The following IL7 variants were observed in gnomAD, a reference collection of about 807,000 sequenced individuals.
IL7 encodes the protein interleukin 7.
IL7 carries 3 observed loss-of-function variants against 21.6 expected under a neutral mutation model. The ratio of observed to expected loss-of-function variants is 0.14; its 90% CI spans 0.06 to 0.36. The LOEUF (loss-of-function observed/expected upper bound fraction) is 0.36. Ranked by LOEUF, IL7 falls within the 10% of genes least tolerant of loss-of-function variation. The probability of loss-of-function intolerance (pLI) is 1.00; values close to 1 mark genes in which losing one functional copy is unlikely to be tolerated. For missense variants in IL7, 175 were observed against 200.2 expected (o/e 0.87, Z 0.76); for synonymous variants, 62 against 68.1 (o/e 0.91, Z 0.44).
intron 2 of IL7, chr8:78,761,148 A>G (rs560397400): frequency 1.3e-6 from 2 of 1,593,900 alleles, no homozygotes; most frequent in South Asian, 2.3e-5. Flanking sequence ...CTCCCTGTCC[A>G]CTGAGAATGG....
rs948830608 is a variant in IL7, at chr8:78,782,903, G to A, written c.147+15169C>T. On this transcript the variant is annotated intron_variant, in intron 2 of 5. Coordinates refer to ENST00000263851, the MANE Select transcript of IL7 (RefSeq NM_000880.4). The stretch of plus-strand genomic sequence containing the variant: ...CTGGAGATGATGAAATTCCCAGAGG[G>A]AGGCCACATGCAGTGAAGATGGATG... Among the ~76,000 whole-genome samples the A allele has an allele frequency of 4.6e-5, 7 of 152,252 alleles. 1 individual carries two copies. The highest frequency in any genetic ancestry group is 3.9e-4 in the Admixed American group (6 of 15,290).
chr8:78,754,220 GT>G (rs1350532079), intron 2 of IL7, among the ~76,000 whole-genome samples: 2 of 152,092 alleles, frequency 1.3e-5, no homozygotes, highest in Admixed American at 1.3e-4. Flanking sequence ...CAAAATCAAT[GT>G]GCAAAAATCA....
At chr8:78,782,155 G>A (rs1586100795) in intron 2 of IL7, among the ~76,000 whole-genome samples, 1 of 152,120 alleles carries the variant, frequency 6.6e-6, no homozygotes, top group Admixed American at 6.5e-5. Flanking sequence ...ATTGGGTTAG[G>A]ACATGCTCCT....
downstream of IL7, among the ~76,000 whole-genome samples, chr8:78,731,597 G>C (rs906300455): frequency 2.6e-5 from 4 of 151,572 alleles, no homozygotes; most frequent in Admixed American, 2.6e-4. Flanking sequence ...TTTAGAAAAT[G>C]CTGACTTAAA....
In IL7 at chr8:78,723,883, G is replaced by A. The variant is rs190577574; in HGVS notation, n.268-2443C>T. 5.1e-3 allele frequency: 1,118 copies of A among 220,374 alleles called. 45 individuals carry two copies. Among genetic ancestry groups the A allele is most frequent in the Admixed American group, 0.048 (1,077 of 22,514 alleles). The allele number at this position is 220,374 out of a possible 1,614,324, so 13.7% of individuals were successfully genotyped here. ...AACATGCATTTTCTGTACATTGGAA[G>A]ACAAGCTATTCCACTTGAGCTGGTA... On this transcript the variant is annotated intron_variant and non_coding_transcript_variant, in intron 3 of 6. Transcript: ENST00000519833.
chr8:78,796,395 G>A (rs1813854573), intron 2 of IL7, among the ~76,000 whole-genome samples: 2 of 151,944 alleles, frequency 1.3e-5, no homozygotes, highest in South Asian at 4.1e-4. Flanking sequence ...AAAGAACAAA[G>A]CTCTGATGAA....
At chr8:78,756,704 T>C (rs1010356384) in intron 2 of IL7, among the ~76,000 whole-genome samples, 1 of 151,980 alleles carries the variant, frequency 6.6e-6, no homozygotes, top group African/African-American at 2.4e-5. Context: ...GGGTCTTCTC[T>C]CTTTATTAGT....
Position 78,687,986 on chromosome 8 carries a change from T to C in IL7, n.215-2039A>G, listed in dbSNP as rs368526999. 2.6e-3 allele frequency among the ~76,000 whole-genome samples: 381 copies of C among 145,600 alleles called. 2 individuals carry two copies. Among genetic ancestry groups the C allele is most frequent in the Admixed American group, 6.5e-3 (93 of 14,238 alleles). ...TTTATATATAAATATATATAAATTATATATATATAAATATAAAATGAGCAT... is the reference window on the plus strand; with the variant it reads ...TTTATATATAAATATATATAAATTACATATATATAAATATAAAATGAGCAT... On this transcript the variant is annotated intron_variant and non_coding_transcript_variant, in intron 3 of 4. Coordinates refer to the IL7 transcript ENST00000523959.
intron 2 of IL7, among the ~76,000 whole-genome samples, chr8:78,743,865 T>G (rs1047005885): frequency 6.6e-6 from 1 of 152,148 alleles, no homozygotes; most frequent in Non-Finnish European, 1.5e-5. Context: ...GGGGGTCTAC[T>G]CCAGTCCCTA....
downstream of IL7, among the ~76,000 whole-genome samples, chr8:78,714,668 T>A (rs1191778520): frequency 1.3e-5 from 2 of 152,186 alleles, no homozygotes; most frequent in Admixed American, 1.3e-4. Context: ...CAGAAGTCCC[T>A]CTGATTTCGG....
At chr8:78,680,347 G>A (rs1467046080) in intron 4 of IL7, among the ~76,000 whole-genome samples, 2 of 149,392 alleles carry the variant, frequency 1.3e-5, no homozygotes, top group Non-Finnish European at 3.0e-5. Context: ...TGTATTAAGT[G>A]GTTTATTGCC....
intron 2 of IL7, among the ~76,000 whole-genome samples, chr8:78,796,245 T>C (rs761791281): frequency 1.3e-5 from 2 of 151,980 alleles, no homozygotes; most frequent in East Asian, 1.9e-4. Flanking sequence ...TAGGTTAATA[T>C]ACAAAAATCA....
intron 2 of IL7, among the ~76,000 whole-genome samples, chr8:78,792,504 GA>G (rs1462126805): frequency 6.6e-6 from 1 of 151,836 alleles, no homozygotes; most frequent in Non-Finnish European, 1.5e-5. Context: ...ATGATGGGAG[GA>G]AAAAATATAA....
intron 3 of IL7, chr8:78,686,683 G>A: frequency 7.4e-7 from 1 of 1,351,038 alleles, no homozygotes; most frequent in South Asian, 2.3e-5. Context: ...ATTTTCACTT[G>A]TTAAGCTTAA....
In IL7 at chr8:78,693,484, A is replaced by G. The variant is rs1029329776; in HGVS notation, n.215-7537T>C. ...GATTTGCATTTCTCTGATGGCCAGT[A>G]ATGATGAACATTTTTTCATGTGTCT... On this transcript the variant is annotated intron_variant and non_coding_transcript_variant, in intron 3 of 4. Transcript: ENST00000523959. 2.0e-5 allele frequency among the ~76,000 whole-genome samples: 3 copies of G among 152,196 alleles called. 1 individual carries two copies. The highest frequency in any genetic ancestry group is 2.9e-5 in the Non-Finnish European group (2 of 68,032).
At chr8:78,707,749 A>C (rs920914670) in intron 3 of IL7, among the ~76,000 whole-genome samples, 4 of 152,170 alleles carry the variant, frequency 2.6e-5, no homozygotes, top group Non-Finnish European at 5.9e-5. Flanking sequence ...TGTGGAGCTC[A>C]TTTCTACCAA....
chr8:78,798,770 CTTACAAAGTTTATGT>C (rs1813953345), intron 1 of IL7, among the ~76,000 whole-genome samples: 1 of 151,996 alleles, frequency 6.6e-6, no homozygotes, highest in African/African-American at 2.4e-5. Flanking sequence ...TCCCAAAAGT[CTTACAAAGTTTATGT>C]TTGTATTTTG....
intron 2 of IL7, among the ~76,000 whole-genome samples, chr8:78,771,100 G>C (rs1812933891): frequency 6.6e-6 from 1 of 151,988 alleles, no homozygotes; most frequent in South Asian, 2.1e-4. Context: ...TTGTGGAGAG[G>C]GGACAGATCT....
intron 2 of IL7, among the ~76,000 whole-genome samples, chr8:78,785,894 G>A (rs567141153): frequency 1.3e-5 from 2 of 152,324 alleles, no homozygotes; most frequent in East Asian, 3.9e-4. Context: ...TGGGAACACA[G>A]CTATATGCGA....
Sources: gnomAD v4.1 joint callset for allele counts (sites outside exome capture counted in the v4.1 genomes callset) on GRCh38, gnomAD v4.1.1 for gene constraint, MANE v1.5 for transcripts, NCBI Gene and HGNC (gene_info 2026-07-23, HGNC 2026-07-21) for gene names.